Variants in PAGE2B observed in about 807,000 individuals in gnomAD.
PAGE2B encodes PAGE family member 2B.
In PAGE2B, 5 loss-of-function variants were observed where a neutral mutation model predicts 7.6. The observed-to-expected ratio is 0.66, with a 90% CI of 0.34 to 1.38. PAGE2B has a LOEUF of 1.38. Ranked by LOEUF, PAGE2B falls within the 40% of genes most tolerant of loss-of-function variation. The pLI, the probability that PAGE2B is intolerant of heterozygous loss-of-function variation, is 0.04. For missense variants in PAGE2B, 70 were observed against 78.4 expected, an observed-to-expected ratio of 0.89 and a Z score of 0.41; for synonymous variants, 29 against 26.7, an observed-to-expected ratio of 1.09 and a Z score of -0.27.
chrX:55,054,834 A>G, the PAGE2B span: 1 of 111,903 alleles, frequency 8.9e-6, no homozygotes, highest in East Asian at 2.8e-4. Flanking sequence ...GGTAGATATA[A>G]CTGCCTTGAT....
the PAGE2B span, among the ~76,000 whole-genome samples, chrX:55,045,639 C>T: frequency 2.7e-5 from 3 of 111,009 alleles, no homozygotes; most frequent in African/African-American, 9.8e-5. Context: ...CTTCTGAGAA[C>T]TCAGAAATAG....
the PAGE2B span, among the ~76,000 whole-genome samples, chrX:55,051,964 T>A: frequency 8.9e-6 from 1 of 111,771 alleles, no homozygotes; most frequent in East Asian, 2.8e-4. Flanking sequence ...TCTTTGATGA[T>A]GGTGACGTAC....
the PAGE2B span, among the ~76,000 whole-genome samples, chrX:55,029,551 G>T: frequency 2.7e-5 from 3 of 111,180 alleles, no homozygotes; most frequent in Non-Finnish European, 5.7e-5. Flanking sequence ...TCTTGACTGA[G>T]GGCCTGACTC....
the PAGE2B span, among the ~76,000 whole-genome samples, chrX:55,064,674 T>C: frequency 9.0e-5 from 10 of 111,266 alleles, no homozygotes; most frequent in Non-Finnish European, 1.9e-5. Context: ...TTTTTTGATA[T>C]AGGCACTTAC....
At chrX:55,070,925 G>A (rs1184781782), upstream of PAGE2B, among the ~76,000 whole-genome samples, 2 of 111,055 alleles carry the variant, frequency 1.8e-5, no homozygotes, top group East Asian at 5.7e-4. Context: ...GCCTATGTGT[G>A]TCTTTGCACG....
chrX:55,052,076 C>T, the PAGE2B span, among the ~76,000 whole-genome samples: 132 of 112,101 alleles, frequency 1.2e-3, no homozygotes, highest in African/African-American at 4.1e-3. Context: ...GAGGTCCACT[C>T]CAGACCCTGT....
the PAGE2B span, among the ~76,000 whole-genome samples, chrX:55,061,306 C>T: frequency 0.012 from 1,382 of 110,897 alleles, 23 homozygotes; most frequent in African/African-American, 0.042. Context: ...GTAAGTTATG[C>T]GTCGTAGGGG....
the PAGE2B span, among the ~76,000 whole-genome samples, chrX:55,042,056 G>A: frequency 4.5e-5 from 5 of 111,233 alleles, no homozygotes; most frequent in African/African-American, 1.6e-4. Context: ...CCTAGCCAGA[G>A]CAATCAAATA....
chrX:55,057,442 T>C, the PAGE2B span, among the ~76,000 whole-genome samples: 2 of 111,896 alleles, frequency 1.8e-5, no homozygotes, highest in Non-Finnish European at 3.8e-5. Flanking sequence ...TAGCTTTTCC[T>C]AAATGTTTAG....
the PAGE2B span, among the ~76,000 whole-genome samples, chrX:55,057,841 C>T: frequency 8.9e-6 from 1 of 111,774 alleles, no homozygotes; most frequent in African/African-American, 3.3e-5. Flanking sequence ...TACGCTGCTG[C>T]CCCTAGTGTA....
At chrX:55,054,572 T>G in the PAGE2B span, among the ~76,000 whole-genome samples, 3 of 112,597 alleles carry the variant, frequency 2.7e-5, no homozygotes, top group African/African-American at 9.7e-5. Context: ...AACATGAGTT[T>G]GGGAAGTAAA....
At chrX:55,054,963 C>T in the PAGE2B span, 2 of 111,232 alleles carry the variant, frequency 1.8e-5, no homozygotes, top group African/African-American at 6.5e-5. Flanking sequence ...AAAAGGATAA[C>T]GTATTTTTTT....
At chrX:55,038,594 G>T in the PAGE2B span, among the ~76,000 whole-genome samples, 17 of 111,754 alleles carry the variant, frequency 1.5e-4, no homozygotes, top group Non-Finnish European at 3.0e-4. Flanking sequence ...GGGTTTAGCT[G>T]TCTCTTACTT....
the PAGE2B span, among the ~76,000 whole-genome samples, chrX:55,038,083 T>C: frequency 9.1e-6 from 1 of 109,995 alleles, no homozygotes; most frequent in Non-Finnish European, 1.9e-5. Flanking sequence ...AAAGAAAAAC[T>C]GCAAGATGAA....
the PAGE2B span, among the ~76,000 whole-genome samples, chrX:55,036,048 T>G: frequency 3.0e-4 from 34 of 112,109 alleles, no homozygotes; most frequent in Non-Finnish European, 5.8e-4. Flanking sequence ...AGGTATTTTA[T>G]TCTCTTTGAA....
At chrX:55,052,617 G>T in the PAGE2B span, among the ~76,000 whole-genome samples, 1 of 112,873 alleles carries the variant, frequency 8.9e-6, no homozygotes, top group Non-Finnish European at 1.9e-5. Flanking sequence ...TCAGGTGCGG[G>T]ATATAATCTC....
At chrX:55,052,760 G>T in the PAGE2B span, among the ~76,000 whole-genome samples, 1 of 112,587 alleles carries the variant, frequency 8.9e-6, no homozygotes, top group Non-Finnish European at 1.9e-5. Flanking sequence ...TGCTTCCCGG[G>T]TGAGGCGATG....
chrX:55,074,748 T>C (rs1469571175), upstream of PAGE2B, among the ~76,000 whole-genome samples: 3 of 112,806 alleles, frequency 2.7e-5, no homozygotes, highest in Admixed American at 9.4e-5. Flanking sequence ...GGTGAAGTTT[T>C]CTGAAACACA....
intron 1 of PAGE2B, 106 bp downstream of exon 1, chrX:55,075,220 GA>G: frequency 6.4e-5 from 9 of 140,206 alleles, no homozygotes; most frequent in South Asian, 3.1e-4. Flanking sequence ...GCTTCCGAGG[GA>G]AAAGGGCCTC....
Sources: gnomAD v4.1 joint callset for allele counts (sites outside exome capture counted in the v4.1 genomes callset) on GRCh38, gnomAD v4.1.1 for gene constraint, MANE v1.5 for transcripts, NCBI Gene and HGNC (gene_info 2026-07-23, HGNC 2026-07-21) for gene names.